Variants in PCSK1 observed in about 807,000 individuals in gnomAD.
PCSK1 encodes the protein proprotein convertase subtilisin/kexin type 1, also known as neuroendocrine convertase 1.
In PCSK1, 56 loss-of-function variants were observed where a neutral mutation model predicts 90.6. That is an observed-to-expected ratio of 0.62 (90% confidence interval 0.50 to 0.77). PCSK1 has a LOEUF of 0.77. Among genes scored for constraint, PCSK1 ranks in the 30% least tolerant of loss-of-function variants. The pLI, the probability that PCSK1 is intolerant of heterozygous loss-of-function variation, is 0.00. For missense variants in PCSK1, 801 were observed against 932.6 expected, an observed-to-expected ratio of 0.86 and a Z score of 1.84; for synonymous variants, 348 against 342.4, an observed-to-expected ratio of 1.02 and a Z score of -0.18.
At chr5:96,412,752 G>GTTTTTTTTTTTTTGTTTTTTTTT (rs1554058734) in intron 6 of PCSK1, among the ~76,000 whole-genome samples, 1 of 71,832 alleles carries the variant, frequency 1.4e-5, no homozygotes, top group African/African-American at 9.0e-5. Flanking sequence ...CAGCTGTGAT[G>GTTTTTTTTTTTTTGTTTTTTTTT]TTTTTTTTTT....
chr5:96,410,819 T>C lies in PCSK1; in HGVS notation c.1050A>G (p.Thr350=). The part of the protein sequence containing the change: ...SPWYAEKCSS[T]LATSYSSGDY... ...CTCCGCTGCTGTAAGAGGTGGCCAGTGTGGAGGAGCACTTCTCAGCGTACC... is the reference window on the plus strand; with the variant it reads ...CTCCGCTGCTGTAAGAGGTGGCCAGCGTGGAGGAGCACTTCTCAGCGTACC... The change falls in exon 8 of 14, where the codon ACA becomes ACG. Residue 350 remains threonine, a synonymous_variant. Transcript: ENST00000311106. 6.2e-7 allele frequency: 1 copy of C among 1,614,110 alleles called. No homozygotes were observed.
chr5:96,408,397 G>T (rs1262884343), intron 8 of PCSK1, 74 bp from the exon 9 acceptor site: 1 of 1,044,416 alleles, frequency 9.6e-7, no homozygotes. Context: ...GGGGTTAACT[G>T]TACCAAAGGC....
At chr5:96,395,653 C>G (rs1760112714) in intron 12 of PCSK1, among the ~76,000 whole-genome samples, 1 of 151,626 alleles carries the variant, frequency 6.6e-6, no homozygotes, top group Non-Finnish European at 1.5e-5. Context: ...GAGTAGGGGG[C>G]AAGGGGAGGG....
intron 6 of PCSK1, 68 bp from the exon 7 acceptor site, chr5:96,412,558 A>G (rs1355911471): frequency 7.4e-7 from 1 of 1,349,728 alleles, no homozygotes; most frequent in African/African-American, 1.4e-5. Context: ...AAAGCCCAAT[A>G]CTCTTACTAT....
In PCSK1 at chr5:96,392,860, G is replaced by A. The variant is rs1759992288; in HGVS notation, c.*141C>T. On this transcript the variant is annotated 3_prime_UTR_variant, in exon 14 of 14. Coordinates refer to ENST00000311106, the MANE Select transcript of PCSK1 (RefSeq NM_000439.5). The stretch of plus-strand genomic sequence containing the variant: ...TGAGCTCATCCCCTTCACATGTACA[G>A]TTTAGGGAGAAAAAGAAAAGGTGCC... 2.0e-5 allele frequency: 17 copies of A among 847,242 alleles called. No individual in the cohort carries two copies. In the South Asian group the frequency reaches 2.5e-4, roughly 13 times the overall value. 52.5% of individuals were successfully genotyped at this position (847,242 alleles called of 1,614,324 possible).
At chr5:96,431,502 T>C (rs1761495458) in intron 1 of PCSK1, among the ~76,000 whole-genome samples, 1 of 152,196 alleles carries the variant, frequency 6.6e-6, no homozygotes, top group Non-Finnish European at 1.5e-5. Flanking sequence ...TAGTCTCCTC[T>C]AGATTCTTGA....
intron 9 of PCSK1, among the ~76,000 whole-genome samples, chr5:96,402,451 G>T (rs1431452122): frequency 6.6e-6 from 1 of 152,152 alleles, no homozygotes; most frequent in Non-Finnish European, 1.5e-5. Flanking sequence ...GTGGAGAGAG[G>T]AGGGGAAACA....
Position 96,410,804 on chromosome 5 carries a change from G to C in PCSK1, c.1065C>G (p.Tyr355Ter). The change falls in exon 8 of 14, where the codon TAC (tyrosine) becomes TAG (stop). Residue 355 changes from tyrosine (Y) to a stop codon, truncating the protein, a stop_gained. Transcript: ENST00000311106. LOFTEE classifies it high-confidence loss of function. ...TCTGGTCGGTGTAATCTCCGCTGCT[G>C]TAAGAGGTGGCCAGTGTGGAGGAGC... ...EKCSSTLATS[Y>*]SSGDYTDQRI... The C allele has an allele frequency of 6.2e-7, 1 of 1,614,116 alleles. No individual in the cohort carries two copies.
chr5:96,397,439 T>C lies in PCSK1; in HGVS notation c.1619A>G (p.Glu540Gly). Residue 540 changes from glutamate (E) to glycine (G), a missense_variant, in exon 12 of 14, where the codon GAA becomes GGA. By Grantham distance (98) the Glu-to-Gly change is moderately conservative (BLOSUM62 -2). Transcript: ENST00000311106. Reference protein sequence around the residue: ...GTSTVLLAERERDTSPNGFKN... With the variant: ...GTSTVLLAERGRDTSPNGFKN... ...AAAGCCATTAGGAGATGTATCCCGT[T>C]CTCTTTCAGCCAAGAGCACAGTGCT... 6.2e-7 allele frequency: 1 copy of C among 1,613,112 alleles called. No homozygotes were observed. The highest frequency in any genetic ancestry group is 8.5e-7 in the Non-Finnish European group (1 of 1,179,074).
rs1759960277 is a variant in PCSK1 at position 96,392,000 on chromosome 5, T to C, written c.*1001A>G. On this transcript the variant is annotated 3_prime_UTR_variant, in exon 14 of 14. Coordinates refer to ENST00000311106, the MANE Select transcript of PCSK1 (RefSeq NM_000439.5). ...GAATAAACATTCAGTTTCAAATACTTAGAACACGCTGTTCTAATGAACACA... is the reference window on the plus strand; with the variant it reads ...GAATAAACATTCAGTTTCAAATACTCAGAACACGCTGTTCTAATGAACACA... 6.6e-6 allele frequency: 1 copy of C among 152,178 alleles called. No individual in the cohort carries two copies. 9.4% of individuals were successfully genotyped at this position (152,178 alleles called of 1,614,324 possible).
chr5:96,412,095 C>G (rs1230646875), intron 7 of PCSK1, among the ~76,000 whole-genome samples: 1 of 152,182 alleles, frequency 6.6e-6, no homozygotes, highest in Non-Finnish European at 1.5e-5. Flanking sequence ...TGATCTGCCT[C>G]CCTTGGCCAT....
chr5:96,409,247 G>A (rs961589523), intron 8 of PCSK1, among the ~76,000 whole-genome samples: 1 of 152,128 alleles, frequency 6.6e-6, no homozygotes, highest in Non-Finnish European at 1.5e-5. Context: ...CTCCAGCACC[G>A]AAGTTCTAGC....
rs112927923 is a variant in PCSK1, at chr5:96,419,815, T to C, written c.620+2065A>G. Among the ~76,000 whole-genome samples the C allele has an allele frequency of 9.7e-3, 1,474 of 152,180 alleles. 31 individuals carry two copies. Among genetic ancestry groups the C allele is most frequent in the African/African-American group, 0.034 (1,426 of 41,514 alleles). On this transcript the variant is annotated intron_variant, in intron 5 of 13. Transcript: ENST00000311106. ...TATATTCATATATATAAAACAACTA[T>C]TATAAATGCTGTGCTGTGAGATCCC...
chr5:96,409,471 TTA>T (rs1450305315), intron 8 of PCSK1, among the ~76,000 whole-genome samples: 1 of 152,122 alleles, frequency 6.6e-6, no homozygotes, highest in East Asian at 1.9e-4. Context: ...AAGAAAAAGG[TTA>T]TGTTACTGAG....
intron 3 of PCSK1, among the ~76,000 whole-genome samples, chr5:96,425,056 G>GAA (rs1561376459): frequency 8.3e-6 from 1 of 120,408 alleles, no homozygotes; most frequent in South Asian, 2.8e-4. Context: ...AAGAAAGAAA[G>GAA]AAAGAAAGAA....
chr5:96,418,242 G>A (rs770224401), intron 5 of PCSK1, among the ~76,000 whole-genome samples: 7 of 152,216 alleles, frequency 4.6e-5, no homozygotes, highest in South Asian at 2.1e-4. Flanking sequence ...TTTATAGGCC[G>A]CAGCTCTTTT....
intron 1 of PCSK1, 37 bp downstream of exon 1, chr5:96,432,826 G>A (rs725522): frequency 0.023 from 36,208 of 1,596,076 alleles, 515 homozygotes; most frequent in Non-Finnish European, 0.026. Context: ...CAGTCCCCTG[G>A]GGCCCCAGAA....
intron 2 of PCSK1, among the ~76,000 whole-genome samples, chr5:96,427,340 G>T (rs190574527): frequency 5.3e-5 from 8 of 152,274 alleles, no homozygotes; most frequent in Non-Finnish European, 8.8e-5. Context: ...AGAAGAGCAG[G>T]CTGAATGGTA....
At chr5:96,429,883 C>T (rs548797317) in intron 1 of PCSK1, among the ~76,000 whole-genome samples, 1 of 152,174 alleles carries the variant, frequency 6.6e-6, no homozygotes, top group African/African-American at 2.4e-5. Context: ...CTATTTTACA[C>T]ACATTGGAGG....
Sources: allele counts gnomAD v4.1 joint callset (sites outside exome capture counted in the v4.1 genomes callset), GRCh38; gene constraint gnomAD v4.1.1; transcripts MANE v1.5; gene names NCBI Gene and HGNC (gene_info 2026-07-23, HGNC 2026-07-21).